SGCD: variants seen among roughly 807,000 people sequenced by gnomAD.
SGCD encodes sarcoglycan delta.
A neutral mutation model predicts 36.6 loss-of-function variants in SGCD; 18 were observed. That is an observed-to-expected ratio of 0.49 (90% CI 0.34 to 0.73). SGCD has a LOEUF of 0.73. Among genes scored for constraint, SGCD ranks in the 30% least tolerant of loss-of-function variants. SGCD has a pLI of 0.01. For synonymous variants in SGCD, 133 were observed against 130.6 expected, an observed-to-expected ratio of 1.02 and a Z score of -0.12; for missense variants, 387 against 346.7, an observed-to-expected ratio of 1.12 and a Z score of -0.92.
chr5:156,423,630 A>C (rs1773529474), intron 3 of SGCD, among the ~76,000 whole-genome samples: 2 of 151,372 alleles, frequency 1.3e-5, no homozygotes, highest in South Asian at 4.2e-4. Flanking sequence ...TGCCCAAAGA[A>C]TGTTAAACGG....
intron 1 of SGCD, among the ~76,000 whole-genome samples, chr5:155,990,525 A>G (rs2127564561): frequency 6.6e-6 from 1 of 152,308 alleles, no homozygotes; most frequent in East Asian, 1.9e-4. Context: ...ATTGAGGATG[A>G]AAATAAGACT....
intron 1 of SGCD, among the ~76,000 whole-genome samples, chr5:155,929,736 T>G (rs555888794): frequency 6.6e-6 from 1 of 152,328 alleles, no homozygotes; most frequent in Admixed American, 6.5e-5. Context: ...TCTCAACCTC[T>G]TTTCCTAGTT....
intron 4 of SGCD, among the ~76,000 whole-genome samples, chr5:156,575,457 G>C (rs1031336746): frequency 1.3e-5 from 2 of 152,154 alleles, no homozygotes; most frequent in Non-Finnish European, 2.9e-5. Flanking sequence ...CTCAACTCTA[G>C]AGTGCTAGTC....
chr5:155,876,899 T>C (rs951873463), intron 1 of SGCD, among the ~76,000 whole-genome samples: 4 of 152,120 alleles, frequency 2.6e-5, no homozygotes, highest in Non-Finnish European at 5.9e-5. Flanking sequence ...GTTTAAAATA[T>C]ACTAATTAGA....
At chr5:156,069,020 T>C (rs1432618654) in intron 1 of SGCD, among the ~76,000 whole-genome samples, 2 of 152,152 alleles carry the variant, frequency 1.3e-5, no homozygotes, top group African/African-American at 4.8e-5. Context: ...ATTCTGGATA[T>C]TAGCCCTTTG....
At chr5:155,800,166 T>G in the SGCD span, among the ~76,000 whole-genome samples, 1 of 152,160 alleles carries the variant, frequency 6.6e-6, no homozygotes, top group Non-Finnish European at 1.5e-5. Flanking sequence ...ATAAATCTCC[T>G]TTACAGTTGC....
At chr5:156,382,685 C>G (rs190254140) in intron 3 of SGCD, among the ~76,000 whole-genome samples, 1 of 151,990 alleles carries the variant, frequency 6.6e-6, no homozygotes, top group African/African-American at 2.4e-5. Context: ...GAGGATATAT[C>G]GGTGCTGGGA....
intron 1 of SGCD, among the ~76,000 whole-genome samples, chr5:156,091,892 AG>A (rs909118209): frequency 2.0e-5 from 3 of 152,220 alleles, no homozygotes; most frequent in Non-Finnish European, 2.9e-5. Flanking sequence ...GCCTAAAGGC[AG>A]GGGGCCACCC....
intron 7 of SGCD, among the ~76,000 whole-genome samples, chr5:156,653,098 G>A (rs1037306755): frequency 6.6e-6 from 1 of 152,036 alleles, no homozygotes; most frequent in East Asian, 1.9e-4. Context: ...TTCGGGTGAT[G>A]CTGGCTTCCT....
At chr5:155,731,400 G>C in the SGCD span, among the ~76,000 whole-genome samples, 1 of 152,208 alleles carries the variant, frequency 6.6e-6, no homozygotes, top group Non-Finnish European at 1.5e-5. Flanking sequence ...GTGCCCTGAA[G>C]ACACATTATT....
At chr5:155,819,156 T>A in the SGCD span, among the ~76,000 whole-genome samples, 6 of 152,234 alleles carry the variant, frequency 3.9e-5, no homozygotes, top group Non-Finnish European at 8.8e-5. Flanking sequence ...ATTTCCACTG[T>A]TTCTTCCACT....
At chr5:156,065,569 C>A (rs1400636745) in intron 1 of SGCD, among the ~76,000 whole-genome samples, 1 of 25,704 alleles carries the variant, frequency 3.9e-5, no homozygotes, top group Admixed American at 4.3e-4. Flanking sequence ...GTGTGGGAGT[C>A]TAAGTCTCTT....
At chr5:156,515,110 C>T (rs138850043) in intron 4 of SGCD, among the ~76,000 whole-genome samples, 46 of 152,168 alleles carry the variant, frequency 3.0e-4, no homozygotes, top group African/African-American at 1.1e-3. Context: ...TATTCAGTAG[C>T]TTTTAGTTTA....
intron 7 of SGCD, among the ~76,000 whole-genome samples, chr5:156,735,906 T>C (rs1244899665): frequency 1.3e-5 from 2 of 152,186 alleles, no homozygotes; most frequent in Non-Finnish European, 2.9e-5. Context: ...AGACTCCATG[T>C]AGCTCTGTGT....
chr5:156,299,007 C>A lies in SGCD; in HGVS notation c.-43-30527C>A, dbSNP rs375108748. Among the ~76,000 whole-genome samples the A allele has an allele frequency of 1.4e-4, 21 of 152,246 alleles. No individual in the cohort carries two copies. The South Asian group carries it at 3.3e-3, about 24-fold the overall frequency. On this transcript the variant is annotated intron_variant, in intron 3 of 9. Transcript: ENST00000517913. ...GCATGTGGGGTATTACTTAAGAAAT[C>A]TTTGCCCAGACCAATGTCCTGGAGA...
chr5:156,701,497 G>T (rs527952836), intron 7 of SGCD, among the ~76,000 whole-genome samples: 1 of 152,150 alleles, frequency 6.6e-6, no homozygotes, highest in South Asian at 2.1e-4. Context: ...TATGCTTTTT[G>T]TGTTTCAGTC....
intron 3 of SGCD, among the ~76,000 whole-genome samples, chr5:156,384,712 G>A (rs1055964816): frequency 4.6e-5 from 7 of 152,180 alleles, no homozygotes; most frequent in African/African-American, 1.2e-4. Context: ...TATCAGATGT[G>A]ATTTGGGGTA....
chr5:156,016,092 C>T (rs1431670575), intron 1 of SGCD, among the ~76,000 whole-genome samples: 1 of 152,000 alleles, frequency 6.6e-6, no homozygotes, highest in Non-Finnish European at 1.5e-5. Context: ...CAGTGAGAAC[C>T]CTGATCCCAA....
chr5:155,954,980 T>A (rs1342295952), intron 1 of SGCD, among the ~76,000 whole-genome samples: 1 of 152,142 alleles, frequency 6.6e-6, no homozygotes, highest in African/African-American at 2.4e-5. Flanking sequence ...TGTTTTAGTT[T>A]GAGTCTGAAA....
Sources: allele counts gnomAD v4.1 joint callset (sites outside exome capture counted in the v4.1 genomes callset), GRCh38; gene constraint gnomAD v4.1.1; transcripts MANE v1.5; gene names NCBI Gene and HGNC (gene_info 2026-07-23, HGNC 2026-07-21).